Variants in DMC1 observed in about 807,000 individuals in gnomAD.
DMC1 encodes DNA meiotic recombinase 1.
In DMC1, 27 loss-of-function variants were observed where a neutral mutation model predicts 50.1. That is an observed-to-expected ratio of 0.54 (90% confidence interval 0.40 to 0.74). The LOEUF is 0.74. DMC1 is among the 30% of genes least tolerant of loss of function. The pLI is 0.00. For missense variants in DMC1, 295 were observed against 420.2 expected, an observed-to-expected ratio of 0.70 and a Z score of 2.60; for synonymous variants, 148 against 136.1, an observed-to-expected ratio of 1.09 and a Z score of -0.61.
At position 38,537,594 on chromosome 22, in the gene DMC1, C is replaced by A. The variant is rs1312923526; in HGVS notation, c.834G>T (p.Met278Ile). ...AAAAGTAGAATATTGGGGCTTACGT[C>A]ATAGTTGCTCCTGGATCGGCAGTCA... ...NQMTADPGAT[M>I]TFQADPKKPI... Residue 278 changes from methionine to isoleucine, a missense_variant and splice_region_variant, in exon 12 of 14, where the codon ATG becomes ATT. Transcript: ENST00000216024. 5 of 1,613,228 alleles carry A rather than the reference C, an allele frequency of 3.1e-6. No homozygotes were observed. Among genetic ancestry groups the A allele is most frequent in the African/African-American group, 2.7e-5 (2 of 74,880 alleles).
In DMC1 at chr22:38,538,352, C is replaced by G; in HGVS notation, c.718G>C (p.Ala240Pro). ...TGGGCCAATTTTTGCTGCCGTTCGG[C>G]CAACTCCCCACGGCCACTGAAATCC... ...RVDFSGRGEL[A>P]ERQQKLAQML... is the part of the protein sequence containing the mutation. Residue 240 changes from alanine to proline, a missense_variant, in exon 11 of 14, where the codon GCC becomes CCC. Ala to Pro is a conservative substitution (Grantham distance 27, BLOSUM62 -1). Transcript: ENST00000216024. The G allele has an allele frequency of 2.5e-6, 4 of 1,614,034 alleles. No homozygotes were observed.
At chr22:38,549,773 A>T in intron 8 of DMC1, 152 bp downstream of exon 8, 1 of 632,494 alleles carries the variant, frequency 1.6e-6, no homozygotes, top group Non-Finnish European at 2.8e-6. Context: ...AAGTGATTGG[A>T]GAACTTAAAC....
intron 7 of DMC1, among the ~76,000 whole-genome samples, chr22:38,550,862 C>G (rs1466172408): frequency 7.8e-6 from 1 of 128,416 alleles, no homozygotes; most frequent in Admixed American, 9.0e-5. Flanking sequence ...ACCTGGGAGG[C>G]GGAGGTTGCA....
chr22:38,562,762 C>T (rs1431643065), intron 4 of DMC1, among the ~76,000 whole-genome samples: 1 of 151,844 alleles, frequency 6.6e-6, no homozygotes, highest in African/African-American at 2.4e-5. Context: ...GTTATATACA[C>T]ATATATACAT....
At chr22:38,539,460 T>C (rs1162561096) in intron 8 of DMC1, 48 bp from the exon 9 acceptor site, 1 of 1,435,952 alleles carries the variant, frequency 7.0e-7, no homozygotes. Context: ...TCTAAAAAAG[T>C]TTAGACAACC....
chr22:38,534,847 C>CA (rs1225711059), intron 12 of DMC1, among the ~76,000 whole-genome samples: 1 of 147,162 alleles, frequency 6.8e-6, no homozygotes, highest in Non-Finnish European at 1.5e-5. Context: ...ACTAAAAATA[C>CA]AAAAAAAATT....
intron 13 of DMC1, among the ~76,000 whole-genome samples, chr22:38,520,771 CTG>C (rs908732906): frequency 2.6e-5 from 4 of 152,142 alleles, no homozygotes; most frequent in African/African-American, 9.7e-5. Context: ...TAGGAGCAAA[CTG>C]TAAAATACTT....
rs1715496388 is a variant in DMC1, at chr22:38,525,724, T to C, written c.837-4000A>G. Reference sequence around the variant, plus strand: ...GGGAGGCTGCGGCAGGTAGATCCCTTGAGCCCAGGAGTTCAAGACCAGTCT... The same window carrying C: ...GGGAGGCTGCGGCAGGTAGATCCCTCGAGCCCAGGAGTTCAAGACCAGTCT... On this transcript the variant is annotated intron_variant, in intron 12 of 13. Coordinates refer to ENST00000216024, the MANE Select transcript of DMC1 (RefSeq NM_007068.4). 2.0e-5 allele frequency among the ~76,000 whole-genome samples: 3 copies of C among 152,172 alleles called. No individual in the cohort carries two copies. In the South Asian group the frequency reaches 6.2e-4, roughly 31 times the overall value.
At chr22:38,543,878 C>A (rs549466891) in intron 8 of DMC1, among the ~76,000 whole-genome samples, 4 of 152,252 alleles carry the variant, frequency 2.6e-5, no homozygotes, top group African/African-American at 9.6e-5. Flanking sequence ...ACCCTGCTCT[C>A]TTTAAAATAG....
chr22:38,558,067 A>G (rs760540772), intron 5 of DMC1, among the ~76,000 whole-genome samples: 7 of 148,432 alleles, frequency 4.7e-5, no homozygotes, highest in Non-Finnish European at 8.9e-5. Context: ...GATTCAAGCA[A>G]TTCTCTGCAT....
At chr22:38,562,150 A>G in intron 5 of DMC1, 137 bp downstream of exon 5, 3 of 625,074 alleles carry the variant, frequency 4.8e-6, no homozygotes, top group Non-Finnish European at 8.4e-6. Context: ...TATCATTTAG[A>G]AAAAAAAACA....
chr22:38,523,860 A>G (rs979817428), intron 12 of DMC1, among the ~76,000 whole-genome samples: 3 of 152,204 alleles, frequency 2.0e-5, no homozygotes, highest in Non-Finnish European at 2.9e-5. Context: ...GTGTTTTCAC[A>G]GAAGTTAAGA....
chr22:38,520,168 T>C (rs921322624), intron 13 of DMC1, 79 bp from the exon 14 acceptor site: 3 of 1,206,786 alleles, frequency 2.5e-6, no homozygotes, highest in Admixed American at 3.5e-5. Context: ...AGGCATTATG[T>C]GCCCATCAGT....
intron 7 of DMC1, among the ~76,000 whole-genome samples, chr22:38,551,406 G>A (rs1279557681): frequency 2.0e-5 from 3 of 151,888 alleles, no homozygotes; most frequent in Admixed American, 2.0e-4. Flanking sequence ...TCGGCCCACG[G>A]CAACCTCTGC....
chr22:38,521,581 AC>A, intron 13 of DMC1, 26 bp downstream of exon 13: 11 of 1,383,070 alleles, frequency 8.0e-6, no homozygotes, highest in South Asian at 3.5e-5. Context: ...ACACACACAC[AC>A]ACACACAAAA....
rs760014517 is a variant in DMC1 at position 38,566,667 on chromosome 22, T to C, written c.166A>G (p.Arg56Gly). 6.2e-7 allele frequency: 1 copy of C among 1,613,882 alleles called. No homozygotes were observed. Among genetic ancestry groups the C allele is most frequent in the South Asian group, 1.1e-5 (1 of 91,080 alleles). ...CCTTTGACATTGCATAGAGCTCTTC[T>C]TGTTGTCATCTGTATACCTTTGATG... ...CTIKGIQMTTRRALCNVKGLS... is the reference protein window; with the variant it reads ...CTIKGIQMTTGRALCNVKGLS... The change falls in exon 4 of 14, where the codon AGA becomes GGA. Residue 56 changes from arginine to glycine, a missense_variant. By Grantham distance (125) the Arg-to-Gly change is moderately radical. Coordinates refer to ENST00000216024, the MANE Select transcript of DMC1 (RefSeq NM_007068.4).
intron 12 of DMC1, among the ~76,000 whole-genome samples, chr22:38,530,776 G>A (rs909687956): frequency 3.9e-5 from 6 of 152,098 alleles, no homozygotes; most frequent in African/African-American, 9.7e-5. Context: ...GGATCAGAAG[G>A]TGACATCCTT....
chr22:38,516,189 T>C (rs2089975452), downstream of DMC1, among the ~76,000 whole-genome samples: 1 of 152,142 alleles, frequency 6.6e-6, no homozygotes, highest in South Asian at 2.1e-4. Context: ...GGCCCCAAGT[T>C]ACAGCTTTTT....
chr22:38,520,149 TCATGTCACAGG>T, intron 13 of DMC1, 60 bp from the exon 14 acceptor site: 1 of 1,378,180 alleles, frequency 7.3e-7, no homozygotes, highest in Non-Finnish European at 1.0e-6. Flanking sequence ...AATACTATAT[TCATGTCACAGG>T]CATTATGTGC....
Sources: gnomAD v4.1 joint callset for allele counts (sites outside exome capture counted in the v4.1 genomes callset) on GRCh38, gnomAD v4.1.1 for gene constraint, MANE v1.5 for transcripts, NCBI Gene and HGNC (gene_info 2026-07-23, HGNC 2026-07-21) for gene names.